PLEKHG3: variants seen among roughly 807,000 people sequenced by gnomAD.
The protein encoded by PLEKHG3 is pleckstrin homology domain-containing family G member 3.
A neutral mutation model predicts 94.9 loss-of-function variants in PLEKHG3; 62 were observed. The ratio of observed to expected loss-of-function variants is 0.65; its 90% CI spans 0.53 to 0.81. The LOEUF (loss-of-function observed/expected upper bound fraction) is 0.81, where lower values mean the gene tolerates loss of function less well. PLEKHG3 is among the 30% of genes least tolerant of loss of function. The probability of loss-of-function intolerance (pLI) is 0.00; values close to 1 mark genes in which losing one functional copy is unlikely to be tolerated. For missense variants in PLEKHG3, 1,461 were observed against 1,619.3 expected (o/e 0.90, Z 1.68); for synonymous variants, 614 against 654.0 (o/e 0.94, Z 0.93).
In PLEKHG3 at chr14:64,723,930, G is replaced by C. The variant is rs1722336261; in HGVS notation, c.-39-3663G>C. On this transcript the variant is annotated intron_variant, in intron 1 of 16. Coordinates refer to ENST00000247226, the MANE Select transcript of PLEKHG3 (RefSeq NM_001308147.2). This position sits in a 1 kb window ranked among gnomAD's most constrained non-coding sequence, Gnocchi z 4.5. ...CTGGAGACCCGTATGTGGTAGGATGGGGTAGGCGTGGGTACCTGGTTTGAG... is the reference window on the plus strand; with the variant it reads ...CTGGAGACCCGTATGTGGTAGGATGCGGTAGGCGTGGGTACCTGGTTTGAG... 1 of 152,188 alleles carries C rather than the reference G, an allele frequency of 6.6e-6. No individual in the cohort carries two copies. The highest frequency in any genetic ancestry group is 6.5e-5 in the Admixed American group (1 of 15,270). The allele number at this position is 152,188 out of a possible 1,614,324, so 9.4% of individuals were successfully genotyped here. A position where few individuals can be genotyped will look rare whatever the true frequency, so the allele number is the denominator to read the frequency against.
rs765023234 is a variant in PLEKHG3, at chr14:64,727,706, G to T, written c.75G>T (p.Ser25=). 4 of 1,612,144 alleles carry T rather than the reference G, an allele frequency of 2.5e-6. No homozygotes were observed. In the Admixed American group the frequency reaches 5.0e-5, roughly 20 times the overall value. Reference sequence around the variant, plus strand: ...TGAGCCTGACCTCTACCACCTCCTCGTCGGGCTCCTCCTGTGACAGTCGCA... The same window carrying T: ...TGAGCCTGACCTCTACCACCTCCTCTTCGGGCTCCTCCTGTGACAGTCGCA... ...RPVSLTSTTS[S]SGSSCDSRSA... Residue 25 remains serine (S), a synonymous_variant, in exon 2 of 17, where the codon TCG becomes TCT. Transcript: ENST00000247226. The surrounding 1 kb of genome is among the most constrained non-coding windows in gnomAD (Gnocchi z 6.0).
Position 64,741,972 on chromosome 14 carries a change from G to A in PLEKHG3, c.2455G>A (p.Glu819Lys). Residue 819 changes from glutamate (E) to lysine (K), a missense_variant, in exon 16 of 17, where the codon GAG becomes AAG. Physicochemically the swap from Glu to Lys is moderately conservative, Grantham distance 56 (BLOSUM62 1). This residue lies in a region of PLEKHG3 where 1,201 missense variants were observed against 1,295.5 expected (regional missense o/e 0.93). Transcript: ENST00000247226. ...ATCTTCAGAAATTGTGAAGATCTGG[G>A]AGGGAATGGAGTCTTCCGGAGGGAG... ...RPSSEIVKIWEGMESSGGSPG... is the reference protein window; with the variant it reads ...RPSSEIVKIWKGMESSGGSPG... 3 of 1,575,258 alleles carry A rather than the reference G, an allele frequency of 1.9e-6. No homozygotes were observed. The highest frequency in any genetic ancestry group is 2.6e-6 in the Non-Finnish European group (3 of 1,162,680).
chr14:64,741,612 C>G lies in PLEKHG3; in HGVS notation c.2095C>G (p.Arg699Gly), dbSNP rs749971680. Residue 699 changes from arginine (R) to glycine (G), a missense_variant, in exon 16 of 17, where the codon CGG (arginine) becomes GGG (glycine). Physicochemically the swap from Arg to Gly is moderately radical, Grantham distance 125. Around this residue, in one of 3 missense-constraint regions of PLEKHG3, gnomAD observed 1,201 missense variants for 1,295.5 expected, o/e 0.93. Transcript: ENST00000247226. ...CCCAGGCTGCCCAGTGGAGCCTGAC[C>G]GGTCTTCCTGCAAGAAGAAGGAATC... ...PSPGCPVEPD[R>G]SSCKKKESAL... 3 of 1,612,918 alleles carry G rather than the reference C, an allele frequency of 1.9e-6. No homozygotes were observed. The highest frequency in any genetic ancestry group is 2.5e-6 in the Non-Finnish European group (3 of 1,180,028).
At position 64,743,592 on chromosome 14, in the gene PLEKHG3, T is replaced by G; in HGVS notation, c.3549T>G (p.Ser1183=). ...GGCAGGTTCAGGACTTCCAGCAGTC[T>G]GCAGAGTGCCAGCCGAAGGAAGAGG... The part of the protein sequence containing the change: ...LLGQVQDFQQ[S]AECQPKEEGS... The change falls in exon 17 of 17, where the codon TCT becomes TCG. Residue 1183 remains serine (S), a synonymous_variant. Transcript: ENST00000247226. This position sits in a 1 kb window ranked among gnomAD's most constrained non-coding sequence, Gnocchi z 7.2. The G allele has an allele frequency of 6.2e-7, 1 of 1,612,894 alleles. No individual in the cohort carries two copies. The highest frequency in any genetic ancestry group is 8.5e-7 in the Non-Finnish European group (1 of 1,179,964).
rs1044816734 is a variant in PLEKHG3 at position 64,730,215 on chromosome 14, G to T, written c.450-28G>T. The T allele has an allele frequency of 6.1e-5, 81 of 1,337,658 alleles. No individual in the cohort carries two copies. In the East Asian group the frequency reaches 1.8e-3, roughly 30 times the overall value. The allele number at this position is 1,337,658 out of a possible 1,614,324, so 82.9% of individuals were successfully genotyped here. A position where few individuals can be genotyped will look rare whatever the true frequency, so the allele number is the denominator to read the frequency against. The stretch of plus-strand genomic sequence containing the variant: ...GGGCATTGTCCTCTGACTGCAGAGG[G>T]TACAGTGGCTGCTCTCCCCTCACCC... On this transcript the variant is annotated intron_variant, in intron 3 of 16. Transcript: ENST00000247226. This position sits in a 1 kb window ranked among gnomAD's most constrained non-coding sequence, Gnocchi z 5.4.
rs2081867622 is a variant in PLEKHG3 at position 64,747,622 on chromosome 14, ACTCAGGGTTC to A, written c.*3927_*3936del. ...CTGATTTCTGCCGGCACTGGTCAGC[ACTCAGGGTTC>A]CTCAGGGGGCCTCATTCTGGATGCC... On this transcript the variant is annotated 3_prime_UTR_variant, in exon 17 of 17. Transcript: ENST00000247226. 1 of 152,192 alleles carries A rather than the reference ACTCAGGGTTC, an allele frequency of 6.6e-6. No homozygotes were observed. The highest frequency in any genetic ancestry group is 2.1e-4 in the South Asian group (1 of 4,836). 9.4% of individuals were successfully genotyped at this position (152,192 alleles called of 1,614,324 possible). A position where few individuals can be genotyped will look rare whatever the true frequency, so the allele number is the denominator to read the frequency against.
chr14:64,732,149 C>G lies in PLEKHG3; in HGVS notation c.1180C>G (p.Leu394Val). 1 of 1,613,992 alleles carries G rather than the reference C, an allele frequency of 6.2e-7. No homozygotes were observed. The highest frequency in any genetic ancestry group is 8.5e-7 in the Non-Finnish European group (1 of 1,179,914). ...GACTCACCACATCAAGAGGCTCATC[C>G]TAGAGAACCACCATGCCACCATTCC... ...NWTHHIKRLI[L>V]ENHHATIPQK... Residue 394 changes from leucine (L) to valine (V), a missense_variant, in exon 10 of 17, where the codon CTA becomes GTA. Around this residue, in one of 3 missense-constraint regions of PLEKHG3, gnomAD observed 1,201 missense variants for 1,295.5 expected, o/e 0.93. Transcript: ENST00000247226. This position sits in a 1 kb window ranked among gnomAD's most constrained non-coding sequence, Gnocchi z 4.9.
In PLEKHG3 at chr14:64,706,445, A is replaced by G. The variant is rs372183055; in HGVS notation, c.-40+1741A>G. On this transcript the variant is annotated intron_variant, in intron 1 of 16. Transcript: ENST00000247226. ...TTTCTGACTCAGTTTCCACATAAATAAAGTGGGATTACTTGCCTGCTCTTC... is the reference window on the plus strand; with the variant it reads ...TTTCTGACTCAGTTTCCACATAAATGAAGTGGGATTACTTGCCTGCTCTTC... Among the ~76,000 whole-genome samples the G allele has an allele frequency of 5.9e-5, 9 of 152,332 alleles. 1 individual carries two copies. Among genetic ancestry groups the G allele is most frequent in the Admixed American group, 5.2e-4 (8 of 15,306 alleles).
At chr14:64,734,074 T>G (rs1278147570) in intron 12 of PLEKHG3, among the ~76,000 whole-genome samples, 1 of 152,190 alleles carries the variant, frequency 6.6e-6, no homozygotes, top group African/African-American at 2.4e-5. Context: ...TGAATGTGTG[T>G]GTGGATTGAC....
intron 12 of PLEKHG3, among the ~76,000 whole-genome samples, chr14:64,734,708 C>G (rs915099028): frequency 2.3e-4 from 32 of 139,866 alleles, no homozygotes; most frequent in African/African-American, 8.5e-4. Flanking sequence ...CTCCCTCCCT[C>G]CCTCCCTTCC....
In PLEKHG3 at chr14:64,744,302, T is replaced by G. The variant is rs1461877200; in HGVS notation, c.*599T>G. On this transcript the variant is annotated 3_prime_UTR_variant, in exon 17 of 17. Transcript: ENST00000247226. ...GTGGTTGTCGCTGATGTACACACAT[T>G]TCATTATTTGCCAATGGTGCAATAA... 1 of 152,736 alleles carries G rather than the reference T, an allele frequency of 6.5e-6. No homozygotes were observed. The highest frequency in any genetic ancestry group is 1.5e-5 in the Non-Finnish European group (1 of 68,098). 9.5% of individuals were successfully genotyped at this position (152,736 alleles called of 1,614,324 possible). A position where few individuals can be genotyped will look rare whatever the true frequency, so the allele number is the denominator to read the frequency against.
rs762306034 is a variant in PLEKHG3, at chr14:64,731,161, C to A, written c.841C>A (p.Arg281=). Residue 281 remains arginine (R), a synonymous_variant, in exon 7 of 17, where the codon CGG becomes AGG. Coordinates refer to ENST00000247226, the MANE Select transcript of PLEKHG3 (RefSeq NM_001308147.2). The surrounding 1 kb of genome is among the most constrained non-coding windows in gnomAD (Gnocchi z 6.1). ...GAAGAGGAGGCATGAGCACGCGGTCCGGCTCCAGGTGCTCTGGGGCTGGGA... is the reference window on the plus strand; with the variant it reads ...GAAGAGGAGGCATGAGCACGCGGTCAGGCTCCAGGTGCTCTGGGGCTGGGA... ...DMKRRHEHAV[R]LQEIQSLLIN... 14 of 1,550,998 alleles carry A rather than the reference C, an allele frequency of 9.0e-6. No individual in the cohort carries two copies. The highest frequency in any genetic ancestry group is 1.2e-5 in the Non-Finnish European group (14 of 1,136,570).
chr14:64,735,649 A>G (rs1428587207), intron 12 of PLEKHG3, among the ~76,000 whole-genome samples: 1 of 152,164 alleles, frequency 6.6e-6, no homozygotes. Context: ...AAAGAAATCA[A>G]TCTGTTGAAC....
At position 64,750,017 on chromosome 14, in the gene PLEKHG3, G is replaced by A; in HGVS notation, c.*6314G>A. On this transcript the variant is annotated 3_prime_UTR_variant, in exon 17 of 17. Transcript: ENST00000247226. ...GACGTGCTTCTTCTTCTTGTAGTTG[G>A]CAGCAATCTCACAGATGGCATGTCT... is the stretch of plus-strand genomic sequence containing the variant. 6.2e-7 allele frequency: 1 copy of A among 1,614,180 alleles called. No homozygotes were observed. Among genetic ancestry groups the A allele is most frequent in the Non-Finnish European group, 8.5e-7 (1 of 1,180,034 alleles).
At position 64,717,323 on chromosome 14, in the gene PLEKHG3, C is replaced by T. The variant is rs2081186433; in HGVS notation, c.-39-10270C>T. Among the ~76,000 whole-genome samples, 1 of 152,158 alleles carries T rather than the reference C, an allele frequency of 6.6e-6. No homozygotes were observed. Among genetic ancestry groups the T allele is most frequent in the Non-Finnish European group, 1.5e-5 (1 of 68,030 alleles). ...GGAGGGGGAAGGCCAGGGTTGTCTA[C>T]ATAACTTTCTGGGTTTGGATGCTCA... On this transcript the variant is annotated intron_variant, in intron 1 of 16. Coordinates refer to ENST00000247226, the MANE Select transcript of PLEKHG3 (RefSeq NM_001308147.2). This position sits in a 1 kb window ranked among gnomAD's most constrained non-coding sequence, Gnocchi z 4.7.
In PLEKHG3 at chr14:64,749,998, C is replaced by G; in HGVS notation, c.*6295C>G. On this transcript the variant is annotated 3_prime_UTR_variant, in exon 17 of 17. Transcript: ENST00000247226. The surrounding 1 kb of genome is among the most constrained non-coding windows in gnomAD (Gnocchi z 4.7). ...GGCCTCACCTCAGCTTAAAGACGTG[C>G]TTCTTCTTCTTGTAGTTGGCAGCAA... 6.2e-7 allele frequency: 1 copy of G among 1,613,090 alleles called. No individual in the cohort carries two copies. Among genetic ancestry groups the G allele is most frequent in the Non-Finnish European group, 8.5e-7 (1 of 1,179,018 alleles).
intron 1 of PLEKHG3, among the ~76,000 whole-genome samples, chr14:64,710,736 T>G (rs985433291): frequency 2.6e-5 from 4 of 151,114 alleles, no homozygotes; most frequent in African/African-American, 9.7e-5. Context: ...GAAAAATGAC[T>G]ACAGTGCAGA....
intron 1 of PLEKHG3, among the ~76,000 whole-genome samples, chr14:64,719,751 A>G (rs1594671928): frequency 6.6e-6 from 1 of 151,352 alleles, no homozygotes; most frequent in Admixed American, 6.6e-5. Flanking sequence ...CCTCCTACCC[A>G]CCCACCCCGC....
chr14:64,729,935 T>G (rs907311406), intron 3 of PLEKHG3, among the ~76,000 whole-genome samples: 1 of 152,196 alleles, frequency 6.6e-6, no homozygotes, highest in Admixed American at 6.5e-5. Flanking sequence ...TCTGCTTTTG[T>G]GTGTTTGACT....
Sources: allele counts gnomAD v4.1 joint callset (sites outside exome capture counted in the v4.1 genomes callset), GRCh38; gene constraint gnomAD v4.1.1; regional missense constraint gnomAD v4.1.1; non-coding constraint Gnocchi (gnomAD v3.1); transcripts MANE v1.5; gene names NCBI Gene and HGNC (gene_info 2026-07-23, HGNC 2026-07-21).